RTEL1: variants seen among roughly 807,000 people sequenced by gnomAD.
The protein encoded by RTEL1 is regulator of telomere elongation helicase 1, also known as regulator of telomere length.
Under a neutral mutation model 162.2 loss-of-function variants are expected in RTEL1, and 86 were observed. The observed-to-expected ratio is 0.53, with a 90% confidence interval of 0.45 to 0.63. The LOEUF (loss-of-function observed/expected upper bound fraction) is 0.63. RTEL1 is among the 30% of genes least tolerant of loss of function. RTEL1 has a pLI of 0.00. For missense variants in RTEL1, 1,941 were observed against 1,750.2 expected (o/e 1.11, Z -1.95); for synonymous variants, 958 against 717.9 (o/e 1.33, Z -5.35).
At position 63,692,937 on chromosome 20, in the gene RTEL1, G is replaced by C. The variant is rs61736615; in HGVS notation, c.2785G>C (p.Ala929Pro). The C allele has an allele frequency of 6.2e-7, 1 of 1,612,588 alleles. No homozygotes were observed. The highest frequency in any genetic ancestry group is 1.1e-5 in the South Asian group (1 of 91,088). The stretch of plus-strand genomic sequence containing the variant: ...GGACTACAAGGGTTCCGATGACTTC[G>C]CCGCCCTGGCCGCCTGTCTCGGCCC... ...LQDYKGSDDF[A>P]ALAACLGPLF... Residue 929 changes from alanine (A) to proline (P), a missense_variant, in exon 29 of 35, where the codon GCC becomes CCC. By Grantham distance (27) the Ala-to-Pro change is conservative. Transcript: ENST00000360203.
At chr20:63,672,773 C>G (rs1601116012) in intron 9 of RTEL1, 152 bp downstream of exon 9, 1 of 670,534 alleles carries the variant, frequency 1.5e-6, no homozygotes, top group Non-Finnish European at 2.7e-6. Flanking sequence ...TTCTGCCACC[C>G]CCTCCCGCCC....
At chr20:63,674,156 G>A (rs2090302359) in intron 10 of RTEL1, 63 bp downstream of exon 10, 11 of 1,540,512 alleles carry the variant, frequency 7.1e-6, no homozygotes, top group Admixed American at 3.8e-5. Context: ...AGCCCCACCC[G>A]GAGTTCAGCA....
chr20:63,693,195 T>C lies in RTEL1; in HGVS notation c.2904T>C (p.Cys968=), dbSNP rs1474203821. The change falls in exon 30 of 35, where the codon TGT becomes TGC. Residue 968 remains cysteine, a synonymous_variant. Transcript: ENST00000360203. The part of the protein sequence containing the change: ...PHHKQQFEEV[C]IQLTGRGCGY... ...ATAAGCAGCAGTTTGAGGAGGTCTG[T>C]ATCCAGCTGACAGGACGAGGCTGTG... is the stretch of plus-strand genomic sequence containing the variant. The C allele has an allele frequency of 1.2e-6, 2 of 1,612,156 alleles. No homozygotes were observed. Among genetic ancestry groups the C allele is most frequent in the Non-Finnish European group, 1.7e-6 (2 of 1,179,530 alleles).
chr20:63,682,635 G>C (rs184956602), intron 14 of RTEL1: 2 of 985,726 alleles, frequency 2.0e-6, no homozygotes, highest in African/African-American at 3.5e-5. Flanking sequence ...GTGCTCACCC[G>C]CGTTGGCTCC....
chr20:63,689,890 C>G (rs759729525), intron 24 of RTEL1, 25 bp downstream of exon 24: 2 of 1,585,852 alleles, frequency 1.3e-6, no homozygotes, highest in Non-Finnish European at 1.7e-6. Context: ...GTGGCAGGCG[C>G]GGCGCCAGGG....
intron 10 of RTEL1, among the ~76,000 whole-genome samples, chr20:63,676,008 TGTGGTGGG>T (rs915453609): frequency 1.3e-5 from 2 of 152,210 alleles, no homozygotes; most frequent in African/African-American, 4.8e-5. Flanking sequence ...GTGGGGGACG[TGTGGTGGG>T]GTGGGCTTCT....
At chr20:63,666,940 C>T (rs916952287) in intron 7 of RTEL1, among the ~76,000 whole-genome samples, 4 of 150,824 alleles carry the variant, frequency 2.7e-5, no homozygotes, top group Non-Finnish European at 5.9e-5. Context: ...CCCGAGTTCA[C>T]GCCATTCTCC....
rs562364488 is a variant in RTEL1 at position 63,694,463 on chromosome 20, C to T, written c.3084C>T (p.His1028=). The change falls in exon 31 of 35, where the codon CAC becomes CAT. Residue 1028 remains histidine, a synonymous_variant. Coordinates refer to ENST00000360203, the MANE Select transcript of RTEL1 (RefSeq NM_001283009.2). ...PQEHLNQGRP[H]LSPRPPPTGD... ...AGCACCTGAACCAGGGCAGGCCCCA[C>T]CTGTCGCCCAGGCCACCCCCAACAG... 8.1e-6 allele frequency: 13 copies of T among 1,604,478 alleles called. No individual in the cohort carries two copies. The South Asian group carries it at 8.8e-5, about 11-fold the overall frequency.
chr20:63,689,105 C>T lies in RTEL1; in HGVS notation c.1851C>T (p.Ala617=), dbSNP rs748314839. 21 of 1,610,276 alleles carry T rather than the reference C, an allele frequency of 1.3e-5. No individual in the cohort carries two copies. The highest frequency in any genetic ancestry group is 8.0e-5 in the African/African-American group (6 of 74,928). Reference sequence around the variant, plus strand: ...TTGCCGCCCCTGGGTCCACCGGCGCCACCTTCCTGGCGGTCTGCCGGGGCA... The same window carrying T: ...TTGCCGCCCCTGGGTCCACCGGCGCTACCTTCCTGGCGGTCTGCCGGGGCA... ...ARVAAPGSTG[A]TFLAVCRGKA... Residue 617 remains alanine (A), a synonymous_variant, in exon 22 of 35, where the codon GCC becomes GCT. Transcript: ENST00000360203.
rs758201355 is a variant in RTEL1, at chr20:63,687,623, C to T, written c.1349-15C>T. ...TCCTCACACTCTGTGCCCTCTGCCG[C>T]CCCCCGCCCCACAGGGAAGGTGCTG... On this transcript the variant is annotated splice_polypyrimidine_tract_variant and intron_variant, in intron 16 of 34. Transcript: ENST00000360203. The T allele has an allele frequency of 6.3e-7, 1 of 1,594,856 alleles. No individual in the cohort carries two copies. Among genetic ancestry groups the T allele is most frequent in the Non-Finnish European group, 8.5e-7 (1 of 1,171,540 alleles).
intron 30 of RTEL1, among the ~76,000 whole-genome samples, 173 bp downstream of exon 30, chr20:63,693,456 T>TCCACCACCTCCACCA (rs1262595789): frequency 9.5e-5 from 2 of 21,072 alleles, no homozygotes; most frequent in African/African-American, 2.7e-4. Context: ...CAGCACCACC[T>TCCACCACCTCCACCA]CCACCTCCAC....
At chr20:63,687,321 C>T (rs1487081315) in intron 16 of RTEL1, 2 of 304,964 alleles carry the variant, frequency 6.6e-6, no homozygotes, top group East Asian at 5.6e-5. Context: ...GGCTTCTTGC[C>T]CTGAGCCGCA....
At chr20:63,693,483 A>ACCTCCACCT (rs1568720180) in intron 30 of RTEL1, among the ~76,000 whole-genome samples, 200 bp downstream of exon 30, 1 of 35,850 alleles carries the variant, frequency 2.8e-5, no homozygotes, top group Non-Finnish European at 5.4e-5. Context: ...CTCCACCTCC[A>ACCTCCACCT]CCACCACCTC....
chr20:63,690,906 G>C lies in RTEL1; in HGVS notation c.2515G>C (p.Glu839Gln). ...QRPRGLLAAL[E>Q]HSEQRAGSPG... ...GCCCAGGGGGCTGCTGGCCGCCCTG[G>C]AGCACAGCGAACAGCGGGCGGGGAG... The change falls in exon 27 of 35, where the codon GAG (glutamate) becomes CAG (glutamine). Residue 839 changes from glutamate to glutamine, a missense_variant. Glu to Gln is a conservative substitution (Grantham distance 29). Coordinates refer to ENST00000360203, the MANE Select transcript of RTEL1 (RefSeq NM_001283009.2). 1 of 1,576,916 alleles carries C rather than the reference G, an allele frequency of 6.3e-7. No homozygotes were observed. The highest frequency in any genetic ancestry group is 1.2e-5 in the South Asian group (1 of 86,848).
In RTEL1 at chr20:63,692,882, C is replaced by G; in HGVS notation, c.2730C>G (p.Ala910=). The change falls in exon 29 of 35, where the codon GCC becomes GCG. Residue 910 remains alanine (A), a synonymous_variant. Transcript: ENST00000360203. ...CCGTGAAGCAGGAGTTGAGCCAAGC[C>G]AACTTTGCCACCTTCACCCAGGCCC... is the stretch of plus-strand genomic sequence containing the variant. ...MVAVKQELSQ[A]NFATFTQALQ... is the part of the protein sequence containing the mutation. 6.2e-7 allele frequency: 1 copy of G among 1,612,662 alleles called. No homozygotes were observed. The highest frequency in any genetic ancestry group is 8.5e-7 in the Non-Finnish European group (1 of 1,179,872).
chr20:63,693,116 T>C (rs1568718278), intron 29 of RTEL1, 27 bp from the exon 30 acceptor site: 1 of 1,612,216 alleles, frequency 6.2e-7, no homozygotes. Flanking sequence ...AAGGGGCAGA[T>C]GGGGACAGAC....
At chr20:63,681,134 G>A (rs1335947990) in intron 14 of RTEL1, 1 of 985,426 alleles carries the variant, frequency 1.0e-6, no homozygotes, top group Non-Finnish European at 1.2e-6. Context: ...GGACCCTGCA[G>A]GTTCCCGGCA....
rs142401318 is a variant in RTEL1 at position 63,676,401 on chromosome 20, C to T, written c.920-1744C>T. On this transcript the variant is annotated intron_variant, in intron 10 of 34. Coordinates refer to ENST00000360203, the MANE Select transcript of RTEL1 (RefSeq NM_001283009.2). ...AGGGCCCCAGTTAGACTGCGGCCAC[C>T]GTTTGCCGGGCTCCAGATGGGACGT... Among the ~76,000 whole-genome samples, 20 of 152,282 alleles carry T rather than the reference C, an allele frequency of 1.3e-4. No individual in the cohort carries two copies. In the East Asian group the frequency reaches 1.9e-3, roughly 15 times the overall value.
intron 16 of RTEL1, 174 bp from the exon 17 acceptor site, chr20:63,687,464 C>A (rs2090622293): frequency 1.3e-6 from 1 of 741,036 alleles, no homozygotes; most frequent in Non-Finnish European, 2.1e-6. Context: ...CTGGCAGGCT[C>A]ACACTCAGGG....
Sources: allele counts gnomAD v4.1 joint callset (sites outside exome capture counted in the v4.1 genomes callset), GRCh38; gene constraint gnomAD v4.1.1; transcripts MANE v1.5; gene names NCBI Gene and HGNC (gene_info 2026-07-23, HGNC 2026-07-21).